Variants in DUS2 observed in about 807,000 individuals in gnomAD.
The protein encoded by DUS2 is dihydrouridine synthase 2.
DUS2 carries 52 observed loss-of-function variants against 71.3 expected under a neutral mutation model. The ratio of observed to expected loss-of-function variants is 0.73; its 90% CI spans 0.58 to 0.92. The LOEUF (loss-of-function observed/expected upper bound fraction) is 0.92. DUS2 is among the 40% of genes least tolerant of loss of function. DUS2 has a pLI of 0.00. For missense variants in DUS2, 558 were observed against 622.6 expected (o/e 0.90, Z 1.10); for synonymous variants, 204 against 227.8 (o/e 0.90, Z 0.94).
intron 2 of DUS2, among the ~76,000 whole-genome samples, chr16:68,029,215 A>G (rs2033402590): frequency 6.6e-6 from 1 of 151,288 alleles, no homozygotes; most frequent in Non-Finnish European, 1.5e-5. Flanking sequence ...TAAAAAAAAA[A>G]AGCTATATCA....
At chr16:68,057,454 C>T (rs963476975) in intron 7 of DUS2, among the ~76,000 whole-genome samples, 8 of 151,134 alleles carry the variant, frequency 5.3e-5, no homozygotes, top group Non-Finnish European at 7.4e-5. Flanking sequence ...GAGAGGAGGC[C>T]GGGAGTGGTG....
At chr16:68,062,766 C>T (rs2033957915) in intron 8 of DUS2, among the ~76,000 whole-genome samples, 1 of 150,240 alleles carries the variant, frequency 6.7e-6, no homozygotes, top group South Asian at 2.1e-4. Context: ...AAGTGGCAGG[C>T]AGAGCCAGCT....
At chr16:68,050,757 T>C (rs2033768079) in intron 4 of DUS2, among the ~76,000 whole-genome samples, 1 of 152,240 alleles carries the variant, frequency 6.6e-6, no homozygotes, top group African/African-American at 2.4e-5. Flanking sequence ...GCCATTTACT[T>C]ATCTACTAGG....
At chr16:68,069,303 G>T (rs988410206) in intron 10 of DUS2, among the ~76,000 whole-genome samples, 1 of 152,122 alleles carries the variant, frequency 6.6e-6, no homozygotes, top group African/African-American at 2.4e-5. Flanking sequence ...AGGTAGAATT[G>T]CCTGAACCCA....
At chr16:68,076,774 A>C in intron 15 of DUS2, 55 bp downstream of exon 15, 1 of 1,472,916 alleles carries the variant, frequency 6.8e-7, no homozygotes, top group East Asian at 2.3e-5. Flanking sequence ...CCCATGGCTT[A>C]CACCCTCAAC....
At chr16:68,043,769 A>G (rs1408927909) in intron 3 of DUS2, among the ~76,000 whole-genome samples, 1 of 152,090 alleles carries the variant, frequency 6.6e-6, no homozygotes, top group Non-Finnish European at 1.5e-5. Flanking sequence ...GGTTCAAGCA[A>G]TTCTTCTGCC....
chr16:68,035,937 TAC>T (rs1567470171), intron 2 of DUS2, among the ~76,000 whole-genome samples: 2 of 136,944 alleles, frequency 1.5e-5, no homozygotes, highest in African/African-American at 5.8e-5. Flanking sequence ...TATACACACA[TAC>T]ATACACATAT....
At chr16:68,073,031 T>C (rs1598319525) in intron 12 of DUS2, among the ~76,000 whole-genome samples, 1 of 152,212 alleles carries the variant, frequency 6.6e-6, no homozygotes. Flanking sequence ...CTCACCCCTT[T>C]CCTGGCACTG....
chr16:68,049,373 C>T (rs1375412084), intron 3 of DUS2, 132 bp from the exon 4 acceptor site: 4 of 843,626 alleles, frequency 4.7e-6, no homozygotes, highest in Non-Finnish European at 7.9e-6. Context: ...CACTACATGT[C>T]CCAAAAGCCG....
At chr16:68,047,134 C>T (rs1326319223) in intron 3 of DUS2, among the ~76,000 whole-genome samples, 1 of 145,426 alleles carries the variant, frequency 6.9e-6, no homozygotes. Flanking sequence ...TGGCTCACTG[C>T]AACCTCCGCC....
chr16:68,047,049 CTTTTTTTTTTTT>C (rs1305624703), intron 3 of DUS2, among the ~76,000 whole-genome samples: 1 of 72,168 alleles, frequency 1.4e-5, no homozygotes, highest in Non-Finnish European at 2.5e-5. Context: ...CATGCCCGGC[CTTTTTTTTTTTT>C]TTTTTTTTTT....
intron 13 of DUS2, 126 bp downstream of exon 13, chr16:68,074,281 G>A: frequency 7.9e-7 from 1 of 1,261,730 alleles, no homozygotes; most frequent in Non-Finnish European, 1.1e-6. Context: ...GAGGAGTGGA[G>A]TGATGGTACA....
chr16:68,066,733 C>A, intron 10 of DUS2, 97 bp downstream of exon 10: 1 of 1,238,198 alleles, frequency 8.1e-7, no homozygotes, highest in Non-Finnish European at 1.2e-6. Flanking sequence ...CAGCCAATTT[C>A]TCTTCTACAT....
chr16:68,028,528 A>T (rs2033390437), intron 2 of DUS2, among the ~76,000 whole-genome samples: 1 of 151,952 alleles, frequency 6.6e-6, no homozygotes, highest in African/African-American at 2.4e-5. Context: ...AATCCCAGCT[A>T]CTCGAGAGGC....
chr16:68,068,005 G>T (rs1374993290), intron 10 of DUS2, among the ~76,000 whole-genome samples: 2 of 152,166 alleles, frequency 1.3e-5, no homozygotes, highest in Non-Finnish European at 2.9e-5. Context: ...TTGTTGGACT[G>T]CCAGCTGTCA....
intron 11 of DUS2, among the ~76,000 whole-genome samples, chr16:68,070,704 A>C (rs1326879000): frequency 6.6e-6 from 1 of 152,132 alleles, no homozygotes; most frequent in Non-Finnish European, 1.5e-5. Context: ...AAGGAAAGTA[A>C]ATTTCCTGGA....
intron 3 of DUS2, among the ~76,000 whole-genome samples, chr16:68,047,437 T>A (rs2033720038): frequency 6.6e-6 from 1 of 152,140 alleles, no homozygotes; most frequent in Non-Finnish European, 1.5e-5. Flanking sequence ...ATTTTGTTAA[T>A]ATTTTCAAAT....
At chr16:68,053,119 CGCCT>C (rs1038094923) in intron 4 of DUS2, among the ~76,000 whole-genome samples, 2 of 152,114 alleles carry the variant, frequency 1.3e-5, no homozygotes, top group African/African-American at 4.8e-5. Flanking sequence ...TACCCCACCA[CGCCT>C]GGCTAATTTT....
At chr16:68,042,170 C>T (rs996913206) in intron 3 of DUS2, among the ~76,000 whole-genome samples, 4 of 152,156 alleles carry the variant, frequency 2.6e-5, no homozygotes, top group African/African-American at 4.8e-5. Context: ...TCAAGGCTTA[C>T]CTATGTTATA....
Sources: gnomAD v4.1 joint callset for allele counts (sites outside exome capture counted in the v4.1 genomes callset) on GRCh38, gnomAD v4.1.1 for gene constraint, MANE v1.5 for transcripts, NCBI Gene and HGNC (gene_info 2026-07-23, HGNC 2026-07-21) for gene names.